Variants in ZNF600 observed in about 807,000 individuals in gnomAD.
The protein encoded by ZNF600 is zinc finger protein 600.
Under a neutral mutation model 7.3 loss-of-function variants are expected in ZNF600, and 4 were observed. That is an observed-to-expected ratio of 0.55 (90% confidence interval 0.27 to 1.25). The LOEUF (loss-of-function observed/expected upper bound fraction) is 1.25, where lower values mean the gene tolerates loss of function less well. Among genes scored for constraint, ZNF600 ranks in the 50% most tolerant of loss-of-function variants. The probability of loss-of-function intolerance (pLI) is 0.12; values close to 1 mark genes in which losing one functional copy is unlikely to be tolerated. For missense variants in ZNF600, 911 were observed against 922.1 expected, an observed-to-expected ratio of 0.99 and a Z score of 0.16; for synonymous variants, 290 against 308.9, an observed-to-expected ratio of 0.94 and a Z score of 0.64.
chr19:52,809,279 A>G, the ZNF600 span, among the ~76,000 whole-genome samples: 1 of 152,180 alleles, frequency 6.6e-6, no homozygotes. Flanking sequence ...GGCAGCCACT[A>G]TGGCACTCTT....
chr19:52,800,748 C>CT, the ZNF600 span: 2 of 1,596,640 alleles, frequency 1.3e-6, no homozygotes, highest in East Asian at 4.5e-5. Context: ...GGTTGACAGT[C>CT]GATTAAAAAC....
the ZNF600 span, chr19:52,800,378 A>G: frequency 1.9e-6 from 3 of 1,614,102 alleles, no homozygotes; most frequent in Non-Finnish European, 1.7e-6. Context: ...TCTCTCCAGT[A>G]TGAATCCTCC....
At chr19:52,827,794 C>A in the ZNF600 span, among the ~76,000 whole-genome samples, 2 of 152,010 alleles carry the variant, frequency 1.3e-5, no homozygotes, top group Non-Finnish European at 2.9e-5. Flanking sequence ...ATCCACCCGC[C>A]TCAGCCTCCC....
intron 1 of ZNF600, among the ~76,000 whole-genome samples, chr19:52,781,858 C>T (rs4542768): frequency 0.23 from 34,822 of 151,748 alleles, 5,173 homozygotes; most frequent in African/African-American, 0.42. Context: ...GCCAGGAGCT[C>T]GAGACCAACC....
chr19:52,829,366 T>TC, the ZNF600 span, among the ~76,000 whole-genome samples: 1 of 57,568 alleles, frequency 1.7e-5, no homozygotes. Flanking sequence ...CCCTCCCCCC[T>TC]CCCCCCTATT....
chr19:52,781,458 C>T (rs1172131549), intron 1 of ZNF600: 1 of 152,116 alleles, frequency 6.6e-6, no homozygotes, highest in Non-Finnish European at 1.5e-5. Flanking sequence ...CTGCCTTGGT[C>T]TTCCTCCTCT....
chr19:52,814,612 C>T, the ZNF600 span, among the ~76,000 whole-genome samples: 2 of 143,412 alleles, frequency 1.4e-5, 1 homozygote, highest in Admixed American at 1.4e-4. Context: ...AAAAGCTGGG[C>T]GAGGTGGCTC....
the ZNF600 span, among the ~76,000 whole-genome samples, chr19:52,811,610 T>C: frequency 6.8e-6 from 1 of 147,394 alleles, no homozygotes; most frequent in African/African-American, 2.6e-5. Context: ...GAGGAGCGTC[T>C]CTGCCCGGCC....
At chr19:52,800,968 G>GA in the ZNF600 span, 1 of 1,614,148 alleles carries the variant, frequency 6.2e-7, no homozygotes, top group East Asian at 2.2e-5. Flanking sequence ...TCTGCAGTAT[G>GA]AAGCGCCTTG....
At chr19:52,792,818 C>T in the ZNF600 span, among the ~76,000 whole-genome samples, 3 of 151,328 alleles carry the variant, frequency 2.0e-5, no homozygotes, top group Non-Finnish European at 3.0e-5. Context: ...CTGCAAGCTC[C>T]GCCTCCCAGC....
chr19:52,826,437 C>G, the ZNF600 span, among the ~76,000 whole-genome samples: 1 of 151,262 alleles, frequency 6.6e-6, no homozygotes, highest in East Asian at 1.9e-4. Flanking sequence ...GCTGGGTGGG[C>G]TGGCTCACAC....
the ZNF600 span, among the ~76,000 whole-genome samples, chr19:52,811,812 G>A: frequency 5.4e-5 from 8 of 147,352 alleles, no homozygotes; most frequent in African/African-American, 2.0e-4. Context: ...GAGGTGAGGG[G>A]CTCCTCTGCC....
chr19:52,778,009 TCC>T (rs371807208), intron 2 of ZNF600, among the ~76,000 whole-genome samples: 10,053 of 151,348 alleles, frequency 0.066, 442 homozygotes, highest in South Asian at 0.18. Context: ...CGACACCTTC[TCC>T]CTCTCTCTCT....
chr19:52,815,726 G>A, the ZNF600 span, among the ~76,000 whole-genome samples: 5 of 145,940 alleles, frequency 3.4e-5, 1 homozygote, highest in Admixed American at 3.4e-4. Flanking sequence ...TCGGGAGGCT[G>A]AGGCAGGAGA....
At chr19:52,773,660 G>T (rs2062648866) in intron 3 of ZNF600, among the ~76,000 whole-genome samples, 1 of 152,026 alleles carries the variant, frequency 6.6e-6, no homozygotes, top group South Asian at 2.1e-4. Context: ...CACAAGGTCA[G>T]GAGTTCGAGA....
the ZNF600 span, among the ~76,000 whole-genome samples, chr19:52,823,117 T>G: frequency 6.6e-6 from 1 of 152,178 alleles, no homozygotes; most frequent in African/African-American, 2.4e-5. Context: ...GAAGGGACAA[T>G]GATGCCAACA....
the ZNF600 span, among the ~76,000 whole-genome samples, chr19:52,794,636 T>C: frequency 6.6e-6 from 1 of 152,098 alleles, no homozygotes; most frequent in Non-Finnish European, 1.5e-5. Flanking sequence ...GGGTAGACCA[T>C]TGAGCCCAGG....
chr19:52,833,266 A>T, the ZNF600 span, among the ~76,000 whole-genome samples: 1 of 152,300 alleles, frequency 6.6e-6, no homozygotes, highest in Non-Finnish European at 1.5e-5. Context: ...CAGGTTGCCC[A>T]GCAGCACTGA....
exon 1 of ZNF600, chr19:52,786,735 C>T (rs1020450798): frequency 7.8e-5 from 29 of 370,006 alleles, no homozygotes; most frequent in East Asian, 1.7e-4. Flanking sequence ...ACTCACGCGC[C>T]GTGGTAGGAC....
Sources: gnomAD v4.1 joint callset for allele counts (sites outside exome capture counted in the v4.1 genomes callset) on GRCh38, gnomAD v4.1.1 for gene constraint, MANE v1.5 for transcripts, NCBI Gene and HGNC (gene_info 2026-07-23, HGNC 2026-07-21) for gene names.